Variants in GLS observed in about 807,000 individuals in gnomAD.
GLS encodes glutaminase kidney isoform, mitochondrial.
GLS carries 36 observed loss-of-function variants against 86.7 expected under a neutral mutation model. That is an observed-to-expected ratio of 0.42 (90% CI 0.32 to 0.55). GLS has a LOEUF of 0.55. Among genes scored for constraint, GLS ranks in the 20% least tolerant of loss-of-function variants. The pLI, the probability that GLS is intolerant of heterozygous loss-of-function variation, is 0.17. For synonymous variants in GLS, 317 were observed against 305.9 expected, an observed-to-expected ratio of 1.04 and a Z score of -0.38; for missense variants, 528 against 833.4, an observed-to-expected ratio of 0.63 and a Z score of 4.51.
Position 190,894,054 on chromosome 2 carries a change from CTAGTT to C in GLS, c.387-1092_387-1088del, listed in dbSNP as rs148800626. Among the ~76,000 whole-genome samples the C allele has an allele frequency of 3.3e-3, 502 of 152,234 alleles. 8 individuals are homozygous for C. The highest frequency in any genetic ancestry group is 0.012 in the African/African-American group (490 of 41,548). Reference sequence around the variant, plus strand: ...TTAATCATAGCATTTTAGTGTTACACTAGTTTAGTTAATTAAGATTTTTAATGCAT... The same window carrying C: ...TTAATCATAGCATTTTAGTGTTACACTAGTTAATTAAGATTTTTAATGCAT... On this transcript the variant is annotated intron_variant, in intron 1 of 17. Transcript: ENST00000320717.
chr2:190,890,753 G>A (rs906941691), intron 1 of GLS, among the ~76,000 whole-genome samples: 2 of 152,036 alleles, frequency 1.3e-5, no homozygotes, highest in South Asian at 2.1e-4. Context: ...TTAAATGAAG[G>A]CATAAAGACT....
At position 190,897,957 on chromosome 2, in the gene GLS, G is replaced by T. The variant is rs991363020; in HGVS notation, c.605+2232G>T. On this transcript the variant is annotated intron_variant, in intron 3 of 17. Transcript: ENST00000320717. This position sits in a 1 kb window ranked among gnomAD's most constrained non-coding sequence, Gnocchi z 4.3. ...AAGCATACTTTTTGGAGTAAAACCT[G>T]TTCGAAAGTTGGAGACTGCCTGTAC... is the stretch of plus-strand genomic sequence containing the variant. Among the ~76,000 whole-genome samples the T allele has an allele frequency of 6.6e-6, 1 of 152,146 alleles. No homozygotes were observed. The highest frequency in any genetic ancestry group is 2.4e-5 in the African/African-American group (1 of 41,432).
At position 190,880,826 on chromosome 2, in the gene GLS, G is replaced by T; in HGVS notation, c.-259G>T. ...CTCCCCTGCGCTTTAGCCTCAGTGC[G>T]GAGCCTTAGGCGGAGCGAAGAGAAC... On this transcript the variant is annotated 5_prime_UTR_variant, in exon 1 of 18. Transcript: ENST00000320717. 1 of 734,492 alleles carries T rather than the reference G, an allele frequency of 1.4e-6. No homozygotes were observed. The highest frequency in any genetic ancestry group is 2.3e-6 in the Non-Finnish European group (1 of 433,620). The allele number at this position is 734,492 out of a possible 1,614,324, so 45.5% of individuals were successfully genotyped here.
At position 190,951,419 on chromosome 2, in the gene GLS, G is replaced by T. The variant is rs1690716720; in HGVS notation, c.1651-2146G>T. Reference sequence around the variant, plus strand: ...AAGTGTTGCTTTTTAAAAATAGGATGAAATTGTGTCTGTTTTAAGGTAAAC... The same window carrying T: ...AAGTGTTGCTTTTTAAAAATAGGATTAAATTGTGTCTGTTTTAAGGTAAAC... On this transcript the variant is annotated intron_variant, in intron 14 of 17. Transcript: ENST00000320717. This position sits in a 1 kb window ranked among gnomAD's most constrained non-coding sequence, Gnocchi z 4.2. Among the ~76,000 whole-genome samples the T allele has an allele frequency of 6.6e-6, 1 of 152,112 alleles. No homozygotes were observed. The highest frequency in any genetic ancestry group is 1.5e-5 in the Non-Finnish European group (1 of 68,016).
rs1395546967 is a variant in GLS at position 190,895,447 on chromosome 2, T to G, written c.484-157T>G. On this transcript the variant is annotated intron_variant, in intron 2 of 17. Transcript: ENST00000320717. The surrounding 1 kb of genome is among the most constrained non-coding windows in gnomAD (Gnocchi z 4.2). ...GAAAAAGAAAGAAACAATGAGAAAC[T>G]TGTCCAGAAAGTGGGTAATAGTGAC... 1 of 580,056 alleles carries G rather than the reference T, an allele frequency of 1.7e-6. No homozygotes were observed. Among genetic ancestry groups the G allele is most frequent in the African/African-American group, 1.9e-5 (1 of 52,990 alleles). 35.9% of individuals were successfully genotyped at this position (580,056 alleles called of 1,614,324 possible).
rs375896380 is a variant in GLS, at chr2:190,897,506, A to G, written c.605+1781A>G. ...TGTAATACAGGCAGTTTCCAACTTGACAAATGTTTTATGGTCTATATGAGC... is the reference window on the plus strand; with the variant it reads ...TGTAATACAGGCAGTTTCCAACTTGGCAAATGTTTTATGGTCTATATGAGC... On this transcript the variant is annotated intron_variant, in intron 3 of 17. Coordinates refer to ENST00000320717, the MANE Select transcript of GLS (RefSeq NM_014905.5). The surrounding 1 kb of genome is among the most constrained non-coding windows in gnomAD (Gnocchi z 4.3). Among the ~76,000 whole-genome samples, 20 of 152,338 alleles carry G rather than the reference A, an allele frequency of 1.3e-4. No homozygotes were observed. The East Asian group carries it at 1.7e-3, about 13-fold the overall frequency.
intron 7 of GLS, among the ~76,000 whole-genome samples, chr2:190,912,906 A>G (rs1201967281): frequency 2.0e-5 from 3 of 152,168 alleles, no homozygotes; most frequent in East Asian, 3.8e-4. Context: ...TTCTTCGGAC[A>G]TTAGTCAGTA....
Position 190,935,303 on chromosome 2 carries a change from TTTG to T in GLS, c.1650+3669_1650+3671del, listed in dbSNP as rs746134839. The T allele has an allele frequency of 1.6e-5, 6 of 381,128 alleles. No homozygotes were observed. Among genetic ancestry groups the T allele is most frequent in the Non-Finnish European group, 2.2e-5 (6 of 278,208 alleles). The allele number at this position is 381,128 out of a possible 1,614,324, so 23.6% of individuals were successfully genotyped here. Reference sequence around the variant, plus strand: ...ATTTTAAGCTGATTTTATTGTTTTTTTTGTTTTGTTTTGTTTTGTTTTTATAAA... The same window carrying T: ...ATTTTAAGCTGATTTTATTGTTTTTTTTTTGTTTTGTTTTGTTTTTATAAA... On this transcript the variant is annotated intron_variant, in intron 14 of 17. Transcript: ENST00000320717. The surrounding 1 kb of genome is among the most constrained non-coding windows in gnomAD (Gnocchi z 4.2).
intron 6 of GLS, among the ~76,000 whole-genome samples, chr2:190,908,942 G>A (rs1689255166): frequency 6.6e-6 from 1 of 152,182 alleles, no homozygotes; most frequent in African/African-American, 2.4e-5. Flanking sequence ...ACCATTTGGA[G>A]TACATAGATT....
At chr2:190,904,911 G>A (rs778397741) in intron 5 of GLS, 93 bp from the exon 6 acceptor site, 6 of 764,254 alleles carry the variant, frequency 7.9e-6, no homozygotes, top group African/African-American at 1.8e-5. Flanking sequence ...AATTTTTGTT[G>A]GAATTGTTAA....
Position 190,905,994 on chromosome 2 carries a change from TATTA to T in GLS, c.979+828_979+831del, listed in dbSNP as rs150337564. Among the ~76,000 whole-genome samples, 178 of 152,290 alleles carry T rather than the reference TATTA, an allele frequency of 1.2e-3. No homozygotes were observed. Among genetic ancestry groups the T allele is most frequent in the Middle Eastern group, 3.4e-3 (1 of 294 alleles). On this transcript the variant is annotated intron_variant, in intron 6 of 17. Coordinates refer to ENST00000320717, the MANE Select transcript of GLS (RefSeq NM_014905.5). The surrounding 1 kb of genome is among the most constrained non-coding windows in gnomAD (Gnocchi z 4.6). ...GAAATGTGCCTTATACTCATTATTT[TATTA>T]GTTTGTAAGATGAAGTCATAAGACT...
chr2:190,933,685 A>G, intron 14 of GLS: 2 of 955,360 alleles, frequency 2.1e-6, no homozygotes, highest in Non-Finnish European at 2.5e-6. Flanking sequence ...TTTTATTTTC[A>G]TATTATCCAC....
intron 1 of GLS, among the ~76,000 whole-genome samples, chr2:190,893,709 C>A (rs1688638661): frequency 6.6e-6 from 1 of 152,116 alleles, no homozygotes; most frequent in Admixed American, 6.5e-5. Context: ...CCTCAGCCTC[C>A]CAAGTAGCCG....
At chr2:190,881,639 C>T (rs999914065) in intron 1 of GLS, 169 bp downstream of exon 1, 5 of 590,014 alleles carry the variant, frequency 8.5e-6, no homozygotes, top group Admixed American at 4.1e-5. Context: ...CCCGGCCCCG[C>T]CCGCGCCTTC....
Position 190,964,114 on chromosome 2 carries a change from G to C in GLS, c.*1128G>C, listed in dbSNP as rs1275425319. 3 of 151,628 alleles carry C rather than the reference G, an allele frequency of 2.0e-5. No homozygotes were observed. Among genetic ancestry groups the C allele is most frequent in the African/African-American group, 4.9e-5 (2 of 41,234 alleles). 9.4% of individuals were successfully genotyped at this position (151,628 alleles called of 1,614,324 possible). ...TTTTCTATTGTGTAATTCTTGGTGG[G>C]CTCTGTAGTTTAATAATAAGAAAAA... On this transcript the variant is annotated 3_prime_UTR_variant, in exon 18 of 18. Coordinates refer to ENST00000320717, the MANE Select transcript of GLS (RefSeq NM_014905.5). The surrounding 1 kb of genome is among the most constrained non-coding windows in gnomAD (Gnocchi z 5.2).
In GLS at chr2:190,964,740, G is replaced by T. The variant is rs1384263900; in HGVS notation, c.*1754G>T. On this transcript the variant is annotated 3_prime_UTR_variant, in exon 18 of 18. Coordinates refer to ENST00000320717, the MANE Select transcript of GLS (RefSeq NM_014905.5). The surrounding 1 kb of genome is among the most constrained non-coding windows in gnomAD (Gnocchi z 5.2). The stretch of plus-strand genomic sequence containing the variant: ...GTAGCATTTGTAAGATGCTGCACAG[G>T]AGCAGCATTATCCCCAAAGATATTA... 1 of 152,110 alleles carries T rather than the reference G, an allele frequency of 6.6e-6. No individual in the cohort carries two copies. Among genetic ancestry groups the T allele is most frequent in the Non-Finnish European group, 1.5e-5 (1 of 68,024 alleles). 9.4% of individuals were successfully genotyped at this position (152,110 alleles called of 1,614,324 possible). A position where few individuals can be genotyped will look rare whatever the true frequency, so the allele number is the denominator to read the frequency against.
rs1211436517 is a variant in GLS, at chr2:190,924,105, GT to G, written c.1197+127del. The G allele has an allele frequency of 8.1e-6, 5 of 619,630 alleles. No individual in the cohort carries two copies. The highest frequency in any genetic ancestry group is 3.8e-5 in the African/African-American group (2 of 52,666). The allele number at this position is 619,630 out of a possible 1,614,324, so 38.4% of individuals were successfully genotyped here. A position where few individuals can be genotyped will look rare whatever the true frequency, so the allele number is the denominator to read the frequency against. On this transcript the variant is annotated intron_variant, in intron 10 of 17. Transcript: ENST00000320717. This position sits in a 1 kb window ranked among gnomAD's most constrained non-coding sequence, Gnocchi z 5.2. ...ACCTATTACTATTTAAGGTGCAGAA[GT>G]TTTTGCAGAGTGCTCGTGAGTCAGT...
In GLS at chr2:190,930,327, A is replaced by G; in HGVS notation, c.1426-110A>G. The G allele has an allele frequency of 1.3e-6, 1 of 774,820 alleles. No individual in the cohort carries two copies. The allele number at this position is 774,820 out of a possible 1,614,324, so 48.0% of individuals were successfully genotyped here. A position where few individuals can be genotyped will look rare whatever the true frequency, so the allele number is the denominator to read the frequency against. On this transcript the variant is annotated intron_variant, in intron 12 of 17. Transcript: ENST00000320717. The surrounding 1 kb of genome is among the most constrained non-coding windows in gnomAD (Gnocchi z 5.0). The stretch of plus-strand genomic sequence containing the variant: ...CTTGCCTTGGCCTCCCAAAGTGCTG[A>G]GATTACAGGAGTGAGCCATGGTGCC...
intron 12 of GLS, among the ~76,000 whole-genome samples, chr2:190,929,035 G>A (rs1353375068): frequency 6.6e-6 from 1 of 151,254 alleles, no homozygotes; most frequent in Non-Finnish European, 1.5e-5. Flanking sequence ...GCCCAGGCTG[G>A]AGTGCAGTGG....
Sources: gnomAD v4.1 joint callset for allele counts (sites outside exome capture counted in the v4.1 genomes callset) on GRCh38, gnomAD v4.1.1 for gene constraint, Gnocchi (gnomAD v3.1) non-coding constraint, MANE v1.5 for transcripts, NCBI Gene and HGNC (gene_info 2026-07-23, HGNC 2026-07-21) for gene names.